The following EPC1 variants were observed in gnomAD, a reference collection of about 807,000 sequenced individuals.
EPC1 encodes enhancer of polycomb 1.
Under a neutral mutation model 98.4 loss-of-function variants are expected in EPC1, and 12 were observed. That is an observed-to-expected ratio of 0.12 (90% CI 0.08 to 0.20). The LOEUF is 0.20. Ranked by LOEUF, EPC1 falls within the 10% of genes least tolerant of loss-of-function variation. EPC1 has a pLI of 1.00. For synonymous variants in EPC1, 357 were observed against 363.9 expected (o/e 0.98, Z 0.21); for missense variants, 729 against 990.5 (o/e 0.74, Z 3.54).
At chr10:32,343,408 A>G (rs1353657475) in intron 1 of EPC1, among the ~76,000 whole-genome samples, 1 of 152,088 alleles carries the variant, frequency 6.6e-6, no homozygotes, top group Non-Finnish European at 1.5e-5. Context: ...ACAGGGTTTC[A>G]CCATGTTGGC....
At chr10:32,344,430 C>G (rs7083817) in intron 1 of EPC1, among the ~76,000 whole-genome samples, 3,046 of 151,232 alleles carry the variant, frequency 0.02, 109 homozygotes, top group African/African-American at 0.071. Flanking sequence ...AAAAAAAAAT[C>G]CCTGTGTTTC....
intron 10 of EPC1, among the ~76,000 whole-genome samples, chr10:32,280,558 G>C (rs1836357375): frequency 6.6e-6 from 1 of 152,122 alleles, no homozygotes; most frequent in Non-Finnish European, 1.5e-5. Flanking sequence ...GGCCAAGATG[G>C]TGAAACCCCG....
chr10:32,293,493 G>C (rs1834966659), intron 3 of EPC1, 99 bp downstream of exon 3: 1 of 1,139,630 alleles, frequency 8.8e-7, no homozygotes, highest in East Asian at 2.5e-5. Context: ...TCTAAAGCCT[G>C]ACTGATTACC....
intron 1 of EPC1, among the ~76,000 whole-genome samples, chr10:32,341,438 G>A (rs1424584447): frequency 6.6e-6 from 1 of 152,052 alleles, no homozygotes; most frequent in Non-Finnish European, 1.5e-5. Context: ...TAACAGGATT[G>A]GTTGGTATAT....
At chr10:32,302,026 C>T (rs1298097370) in intron 2 of EPC1, among the ~76,000 whole-genome samples, 8 of 152,270 alleles carry the variant, frequency 5.3e-5, no homozygotes, top group African/African-American at 1.9e-4. Context: ...GTAATCCCAG[C>T]ACTTTGGGAG....
chr10:32,311,153 A>C (rs1264688616), intron 1 of EPC1, among the ~76,000 whole-genome samples: 1 of 151,946 alleles, frequency 6.6e-6, no homozygotes, highest in Non-Finnish European at 1.5e-5. Flanking sequence ...TACTAAAAAT[A>C]CAAAAAAAAA....
intron 10 of EPC1, among the ~76,000 whole-genome samples, chr10:32,274,994 T>G (rs2986936): frequency 0.67 from 101,602 of 152,056 alleles, 34,098 homozygotes; most frequent in Middle Eastern, 0.78. Context: ...GTTTGAGTGT[T>G]TTGCCTAAGC....
intron 2 of EPC1, among the ~76,000 whole-genome samples, chr10:32,299,128 T>C (rs74798729): frequency 0.082 from 12,473 of 152,290 alleles, 696 homozygotes; most frequent in Non-Finnish European, 0.11. Context: ...AGGCTCACTC[T>C]TTATTTTTTC....
At chr10:32,280,916 C>T (rs1836378604) in intron 10 of EPC1, among the ~76,000 whole-genome samples, 1 of 152,198 alleles carries the variant, frequency 6.6e-6, no homozygotes, top group Non-Finnish European at 1.5e-5. Context: ...CTGAAATGCT[C>T]CAAGAACCAA....
intron 11 of EPC1, 46 bp downstream of exon 11, chr10:32,273,117 G>T (rs1284835662): frequency 1.2e-6 from 2 of 1,613,910 alleles, no homozygotes. Context: ...GATGAACTCT[G>T]GTGGGAAACA....
intron 1 of EPC1, among the ~76,000 whole-genome samples, chr10:32,365,819 CAAAAAAAAAA>C (rs55769539): frequency 5.2e-5 from 2 of 38,428 alleles, no homozygotes; most frequent in South Asian, 2.9e-3. Context: ...CTCCGTCTCA[CAAAAAAAAAA>C]AAAAAAAAAA....
chr10:32,313,684 G>C (rs1836379623), intron 1 of EPC1, among the ~76,000 whole-genome samples: 1 of 152,084 alleles, frequency 6.6e-6, no homozygotes, highest in South Asian at 2.1e-4. Context: ...TGAGGAGTTT[G>C]AGACCAGCCT....
At chr10:32,372,771 C>CA (rs1268379323) in intron 1 of EPC1, among the ~76,000 whole-genome samples, 1 of 152,216 alleles carries the variant, frequency 6.6e-6, no homozygotes, top group African/African-American at 2.4e-5. Flanking sequence ...CCTGTAATCC[C>CA]AGCACTTTGG....
chr10:32,279,210 G>T (rs190674020), intron 10 of EPC1, among the ~76,000 whole-genome samples: 40 of 152,116 alleles, frequency 2.6e-4, no homozygotes, highest in African/African-American at 8.9e-4. Flanking sequence ...TTAGCCAGGC[G>T]TGGTGGCACG....
intron 6 of EPC1, among the ~76,000 whole-genome samples, chr10:32,288,790 A>G (rs2132713640): frequency 6.6e-6 from 1 of 152,170 alleles, no homozygotes; most frequent in East Asian, 1.9e-4. Flanking sequence ...GACCACATTA[A>G]AATAGTTAAG....
At position 32,268,062 on chromosome 10, in the gene EPC1, C is replaced by T. The variant is rs549490091; in HGVS notation, c.*1001G>A. On this transcript the variant is annotated 3_prime_UTR_variant, in exon 14 of 14. Transcript: ENST00000319778. Reference sequence around the variant, plus strand: ...GATGATACACGTACAGCAATTACTGCATTCTTCTCCCTTATATCCTTTTCG... The same window carrying T: ...GATGATACACGTACAGCAATTACTGTATTCTTCTCCCTTATATCCTTTTCG... The T allele has an allele frequency of 4.6e-5, 7 of 152,348 alleles. No individual in the cohort carries two copies. The highest frequency in any genetic ancestry group is 3.9e-4 in the Admixed American group (6 of 15,306). The allele number at this position is 152,348 out of a possible 1,614,324, so 9.4% of individuals were successfully genotyped here.
rs1436426162 is a variant in EPC1, at chr10:32,292,615, T to C, written c.696A>G (p.Glu232=). Residue 232 remains glutamate, a synonymous_variant, in exon 5 of 14, where the codon GAA becomes GAG. Coordinates refer to ENST00000319778, the MANE Select transcript of EPC1 (RefSeq NM_001272004.3). ...GATCTCGTCGCAGCTTAAGCATTTT[T>C]TCGTAAGAGGCTTCATCATTTTTGC... The part of the protein sequence containing the change: ...KNRKNDEASY[E]KMLKLRRDLS... 2 of 1,604,288 alleles carry C rather than the reference T, an allele frequency of 1.2e-6. No homozygotes were observed. The highest frequency in any genetic ancestry group is 1.1e-5 in the South Asian group (1 of 88,408).
chr10:32,278,482 C>T (rs1486061142), intron 10 of EPC1, among the ~76,000 whole-genome samples: 1 of 127,618 alleles, frequency 7.8e-6, no homozygotes, highest in South Asian at 2.9e-4. Context: ...CCCGGGTTCA[C>T]GCCATTCTCC....
In EPC1 at chr10:32,293,108, T is replaced by C. The variant is rs1194475899; in HGVS notation, c.546A>G (p.Arg182=). The C allele has an allele frequency of 3.1e-6, 5 of 1,613,376 alleles. No individual in the cohort carries two copies. The African/African-American group carries it at 4.0e-5, about 13-fold the overall frequency. The part of the protein sequence containing the change: ...REVYEYWIKK[R]KNCRGPSLIP... ...TAAGAGATGGCCCTCGACAGTTTTTTCTCTTTTTAATCCAATATTCATAAA... is the reference window on the plus strand; with the variant it reads ...TAAGAGATGGCCCTCGACAGTTTTTCCTCTTTTTAATCCAATATTCATAAA... Residue 182 remains arginine, a synonymous_variant, in exon 4 of 14, where the codon AGA becomes AGG. Coordinates refer to ENST00000319778, the MANE Select transcript of EPC1 (RefSeq NM_001272004.3).
Sources: allele counts gnomAD v4.1 joint callset (sites outside exome capture counted in the v4.1 genomes callset), GRCh38; gene constraint gnomAD v4.1.1; transcripts MANE v1.5; gene names NCBI Gene and HGNC (gene_info 2026-07-23, HGNC 2026-07-21).